The following BRWD1 variants were observed in gnomAD, a reference collection of about 807,000 sequenced individuals.
BRWD1 encodes the protein bromodomain and WD repeat-containing protein 1.
A neutral mutation model predicts 251.2 loss-of-function variants in BRWD1; 82 were observed. The observed-to-expected ratio is 0.33, with a 90% confidence interval of 0.27 to 0.39. The LOEUF (loss-of-function observed/expected upper bound fraction) is 0.39. BRWD1 is among the 10% of genes least tolerant of loss of function. The pLI, the probability that BRWD1 is intolerant of heterozygous loss-of-function variation, is 1.00. For synonymous variants in BRWD1, 918 were observed against 902.8 expected, an observed-to-expected ratio of 1.02 and a Z score of -0.30; for missense variants, 2,233 against 2,711.6, an observed-to-expected ratio of 0.82 and a Z score of 3.92.
At position 39,197,166 on chromosome 21, in the gene BRWD1, G is replaced by A; in HGVS notation, c.5903C>T (p.Ala1968Val). 1.2e-6 allele frequency: 2 copies of A among 1,614,108 alleles called. No individual in the cohort carries two copies. Among genetic ancestry groups the A allele is most frequent in the Middle Eastern group, 1.6e-4 (1 of 6,062 alleles). ...KNGRKKPLHL[A>V]CTTAKKKLSD... ...CAATTTCTTCTTAGCTGTAGTACAAGCAAGATGGAGAGGTTTTTTCCTTCC... is the reference window on the plus strand; with the variant it reads ...CAATTTCTTCTTAGCTGTAGTACAAACAAGATGGAGAGGTTTTTTCCTTCC... The change falls in exon 41 of 41, where the codon GCT becomes GTT. Residue 1968 changes from alanine to valine, a missense_variant. Transcript: ENST00000342449.
intron 34 of BRWD1, among the ~76,000 whole-genome samples, chr21:39,211,365 A>G (rs1322521669): frequency 6.6e-6 from 1 of 152,234 alleles, no homozygotes; most frequent in Non-Finnish European, 1.5e-5. Flanking sequence ...AAGGGTATAG[A>G]CCTTGAGATG....
upstream of BRWD1, chr21:39,314,093 C>CTGGT (rs1555881047): frequency 2.6e-5 from 12 of 455,940 alleles, no homozygotes; most frequent in Non-Finnish European, 5.3e-5. Context: ...ATTTCACGGA[C>CTGGT]CGGTCGTCTG....
In BRWD1 at chr21:39,196,268, G is replaced by A. The variant is rs2031805516; in HGVS notation, c.6801C>T (p.Cys2267=). The A allele has an allele frequency of 6.3e-7, 1 of 1,596,628 alleles. No homozygotes were observed. Among genetic ancestry groups the A allele is most frequent in the Non-Finnish European group, 8.5e-7 (1 of 1,171,818 alleles). ...SLENVLDFNG[C]TL ...TGGCTTTCCCTCAAGGTCATAAGGTGCAACCATTGAAATCTAACACATTTT... is the reference window on the plus strand; with the variant it reads ...TGGCTTTCCCTCAAGGTCATAAGGTACAACCATTGAAATCTAACACATTTT... The change falls in exon 41 of 41, where the codon TGC becomes TGT. Residue 2267 remains cysteine (C), a synonymous_variant. Coordinates refer to ENST00000342449, the MANE Select transcript of BRWD1 (RefSeq NM_033656.4).
Position 39,246,099 on chromosome 21 carries a change from C to G in BRWD1, c.2481+1602G>C, listed in dbSNP as rs76718351. On this transcript the variant is annotated intron_variant, in intron 21 of 40. Coordinates refer to ENST00000342449, the MANE Select transcript of BRWD1 (RefSeq NM_033656.4). ...AAACTTTCATCCTCAAAAGACACCA[C>G]CAAAGAAGTGAAAAGACAACCCACA... Among the ~76,000 whole-genome samples, 847 of 147,562 alleles carry G rather than the reference C, an allele frequency of 5.7e-3. 5 individuals carry two copies. Among genetic ancestry groups the G allele is most frequent in the Non-Finnish European group, 9.2e-3 (626 of 67,964 alleles).
At chr21:39,308,407 G>T (rs1311027640) in intron 4 of BRWD1, among the ~76,000 whole-genome samples, 1 of 149,850 alleles carries the variant, frequency 6.7e-6, no homozygotes, top group African/African-American at 2.5e-5. Context: ...GCATGAACCT[G>T]TGAGGCAGAG....
chr21:39,302,733 T>C (rs187807404), intron 4 of BRWD1, among the ~76,000 whole-genome samples: 173 of 128,356 alleles, frequency 1.3e-3, no homozygotes, highest in African/African-American at 4.9e-3. Flanking sequence ...CACTCCTAGG[T>C]GACAGAGTGA....
At chr21:39,312,767 C>G in intron 4 of BRWD1, 74 bp downstream of exon 4, 1 of 1,310,414 alleles carries the variant, frequency 7.6e-7, no homozygotes. Context: ...GGGCCGGGGT[C>G]CCCGCGAGGG....
rs754972140 is a variant in BRWD1, at chr21:39,196,688, T to C, written c.6381A>G (p.Lys2127=). 6.2e-6 allele frequency: 10 copies of C among 1,613,970 alleles called. No homozygotes were observed. Among genetic ancestry groups the C allele is most frequent in the Non-Finnish European group, 7.6e-6 (9 of 1,179,894 alleles). Reference sequence around the variant, plus strand: ...CCAATTCAGGATGCGATCTCTTCCTTTTTACTTCCTTCTCTGCTGTTTCCT... The same window carrying C: ...CCAATTCAGGATGCGATCTCTTCCTCTTTACTTCCTTCTCTGCTGTTTCCT... ...DSQETAEKEV[K]RKRSHPELEN... is the part of the protein sequence containing the mutation. The change falls in exon 41 of 41, where the codon AAA becomes AAG. Residue 2127 remains lysine (K), a synonymous_variant. Transcript: ENST00000342449.
intron 7 of BRWD1, 81 bp from the exon 8 acceptor site, chr21:39,294,113 C>A: frequency 8.8e-7 from 1 of 1,138,674 alleles, no homozygotes; most frequent in Non-Finnish European, 1.3e-6. Flanking sequence ...ATATGCCATC[C>A]AAATTAACTT....
Position 39,304,010 on chromosome 21 carries a change from G to A in BRWD1, c.199-5428C>T, listed in dbSNP as rs183857877. On this transcript the variant is annotated intron_variant, in intron 4 of 40. Transcript: ENST00000342449. The stretch of plus-strand genomic sequence containing the variant: ...TACAAAATGAGCCAGGCGTGGTGGC[G>A]GGCGCCTGTAATCCCAGCTACTCAG... Among the ~76,000 whole-genome samples the A allele has an allele frequency of 3.9e-3, 587 of 151,236 alleles. 2 individuals carry two copies. The highest frequency in any genetic ancestry group is 7.9e-3 in the South Asian group (38 of 4,788).
intron 37 of BRWD1, among the ~76,000 whole-genome samples, chr21:39,205,559 C>G (rs1299691441): frequency 6.6e-6 from 1 of 151,868 alleles, no homozygotes; most frequent in African/African-American, 2.4e-5. Flanking sequence ...ATTGCCTGAG[C>G]TCAGGAGTTC....
chr21:39,241,358 C>T (rs2033985391), intron 21 of BRWD1, among the ~76,000 whole-genome samples: 1 of 150,442 alleles, frequency 6.6e-6, no homozygotes, highest in South Asian at 2.1e-4. Context: ...ATCCCTGCTA[C>T]TTGGGAGGCT....
chr21:39,214,447 A>G (rs2032797178), intron 32 of BRWD1, among the ~76,000 whole-genome samples: 1 of 152,162 alleles, frequency 6.6e-6, no homozygotes, highest in South Asian at 2.1e-4. Context: ...TATACTCTAT[A>G]AAATAAGTAA....
At chr21:39,286,062 T>A (rs957123674) in intron 8 of BRWD1, among the ~76,000 whole-genome samples, 3 of 142,162 alleles carry the variant, frequency 2.1e-5, no homozygotes, top group Non-Finnish European at 4.5e-5. Context: ...TCGCCCAGGC[T>A]AGAGTGCAGT....
At chr21:39,278,562 A>C (rs565984190) in intron 10 of BRWD1, 181 bp downstream of exon 10, 5 of 530,970 alleles carry the variant, frequency 9.4e-6, no homozygotes, top group African/African-American at 2.0e-5. Context: ...AAATCAGAGA[A>C]AGGCAGACTG....
chr21:39,299,040 A>G (rs1181614699), intron 4 of BRWD1, among the ~76,000 whole-genome samples: 1 of 152,104 alleles, frequency 6.6e-6, no homozygotes, highest in Admixed American at 6.5e-5. Flanking sequence ...CCTGACCAAC[A>G]TGGTGAAACC....
At chr21:39,254,486 A>G (rs1601394195) in intron 19 of BRWD1, among the ~76,000 whole-genome samples, 1 of 152,232 alleles carries the variant, frequency 6.6e-6, no homozygotes, top group East Asian at 1.9e-4. Flanking sequence ...AATATCAGAA[A>G]TAAGTTAAAC....
At chr21:39,313,367 G>T in intron 1 of BRWD1, 68 bp from the exon 2 acceptor site, 1 of 1,474,888 alleles carries the variant, frequency 6.8e-7, no homozygotes, top group East Asian at 2.8e-5. Flanking sequence ...CAGGGGAGCC[G>T]GGGGAGCCCG....
At position 39,196,721 on chromosome 21, in the gene BRWD1, A is replaced by T. The variant is rs773947039; in HGVS notation, c.6348T>A (p.His2116Gln). The change falls in exon 41 of 41, where the codon CAT (histidine) becomes CAA (glutamine). Residue 2116 changes from histidine (H) to glutamine (Q), a missense_variant. Physicochemically the swap from His to Gln is conservative, Grantham distance 24. Around this residue, in one of 12 missense-constraint regions of BRWD1, gnomAD observed 928 missense variants for 970.0 expected, o/e 0.96. Coordinates refer to ENST00000342449, the MANE Select transcript of BRWD1 (RefSeq NM_033656.4). The part of the protein sequence containing the change: ...KAPFSKTKVI[H>Q]DSQETAEKEV... Reference sequence around the variant, plus strand: ...CCTTCTCTGCTGTTTCCTGTGAATCATGAATCACTTTTGTCTTACTAAAAG... The same window carrying T: ...CCTTCTCTGCTGTTTCCTGTGAATCTTGAATCACTTTTGTCTTACTAAAAG... 1 of 1,613,822 alleles carries T rather than the reference A, an allele frequency of 6.2e-7. No individual in the cohort carries two copies. Among genetic ancestry groups the T allele is most frequent in the South Asian group, 1.1e-5 (1 of 91,078 alleles).
Sources: allele counts gnomAD v4.1 joint callset (sites outside exome capture counted in the v4.1 genomes callset), GRCh38; gene constraint gnomAD v4.1.1; regional missense constraint gnomAD v4.1.1; transcripts MANE v1.5; gene names NCBI Gene and HGNC (gene_info 2026-07-23, HGNC 2026-07-21).